PARP12: variants seen among roughly 807,000 people sequenced by gnomAD.
PARP12 encodes poly(ADP-ribose) polymerase family member 12.
Under a neutral mutation model 72.4 loss-of-function variants are expected in PARP12, and 59 were observed. The observed-to-expected ratio is 0.81, with a 90% CI of 0.66 to 1.01. The LOEUF is 1.01. Ranked by LOEUF, PARP12 falls within the 50% of genes least tolerant of loss-of-function variation. The pLI, the probability that PARP12 is intolerant of heterozygous loss-of-function variation, is 0.00. For synonymous variants in PARP12, 403 were observed against 371.4 expected, an observed-to-expected ratio of 1.09 and a Z score of -0.98; for missense variants, 851 against 914.0, an observed-to-expected ratio of 0.93 and a Z score of 0.89.
At chr7:140,025,519 A>G (rs750220944) in intron 11 of PARP12, 4 of 449,388 alleles carry the variant, frequency 8.9e-6, no homozygotes, top group Middle Eastern at 3.3e-4. Flanking sequence ...TTGTGGTTAC[A>G]GAAGATAATG....
chr7:140,057,299 C>G, intron 2 of PARP12, 146 bp from the exon 3 acceptor site: 1 of 785,680 alleles, frequency 1.3e-6, no homozygotes, highest in Non-Finnish European at 2.0e-6. Flanking sequence ...ATCCCTCACT[C>G]TAGATGACGG....
rs757114981 is a variant in PARP12, at chr7:140,024,835, C to T, written c.1831G>A (p.Asp611Asn). The T allele has an allele frequency of 1.9e-6, 3 of 1,613,908 alleles. No homozygotes were observed. Among genetic ancestry groups the T allele is most frequent in the East Asian group, 4.5e-5 (2 of 44,882 alleles). The change falls in exon 12 of 12, where the codon GAC becomes AAC. Residue 611 changes from aspartate (D) to asparagine (N), a missense_variant. Coordinates refer to ENST00000263549, the MANE Select transcript of PARP12 (RefSeq NM_022750.4). ...AAYSHHYSKSDTQTHTMFLAR... is the reference protein window; with the variant it reads ...AAYSHHYSKSNTQTHTMFLAR... ...AGGAACATCGTGTGGGTCTGCGTGT[C>T]GGATTTGCTGTAGTGGTGGGAATAT...
chr7:140,053,668 C>T (rs931743042), intron 4 of PARP12, among the ~76,000 whole-genome samples: 2 of 152,022 alleles, frequency 1.3e-5, no homozygotes, highest in African/African-American at 4.8e-5. Flanking sequence ...ACCTATCATT[C>T]CATTCCCCAG....
At chr7:140,035,895 AGG>A (rs1491292837) in intron 7 of PARP12, among the ~76,000 whole-genome samples, 1,532 of 143,936 alleles carry the variant, frequency 0.011, 192 homozygotes, top group Non-Finnish European at 0.014. Context: ...GAGGAAGAGG[AGG>A]AGGACGAGGA....
chr7:140,061,995 G>C (rs985099246), intron 1 of PARP12, among the ~76,000 whole-genome samples: 3 of 136,354 alleles, frequency 2.2e-5, no homozygotes, highest in African/African-American at 5.8e-5. Context: ...GGGGGGGGGG[G>C]GTGTTCCAGT....
chr7:140,056,525 C>T (rs538997038), intron 3 of PARP12, among the ~76,000 whole-genome samples: 19 of 152,234 alleles, frequency 1.2e-4, no homozygotes, highest in African/African-American at 4.3e-4. Context: ...AGCATGCTCT[C>T]GTGGGGGTGA....
intron 1 of PARP12, among the ~76,000 whole-genome samples, chr7:140,059,322 T>C (rs1817340640): frequency 6.6e-6 from 1 of 151,700 alleles, no homozygotes; most frequent in African/African-American, 2.4e-5. Flanking sequence ...TGGCATCTTA[T>C]CATTATAGGT....
chr7:140,033,295 T>C (rs932975508), intron 8 of PARP12: 1 of 985,470 alleles, frequency 1.0e-6, no homozygotes, highest in South Asian at 4.7e-5. Context: ...TGATAATACC[T>C]TTCTCCTCTA....
At chr7:140,046,068 G>T (rs1311761826) in intron 5 of PARP12, among the ~76,000 whole-genome samples, 1 of 152,224 alleles carries the variant, frequency 6.6e-6, no homozygotes, top group Non-Finnish European at 1.5e-5. Context: ...CTACACAAGT[G>T]TATGTATTTG....
At chr7:140,040,831 T>G (rs1816434881) in intron 6 of PARP12, among the ~76,000 whole-genome samples, 1 of 152,250 alleles carries the variant, frequency 6.6e-6, no homozygotes, top group Admixed American at 6.5e-5. Context: ...TGGTGTGATC[T>G]CTGCTCACTG....
chr7:140,025,458 A>G, intron 11 of PARP12: 1 of 390,562 alleles, frequency 2.6e-6, no homozygotes, highest in South Asian at 1.9e-5. Flanking sequence ...GAACTGATGG[A>G]CCCGGAACAT....
intron 4 of PARP12, among the ~76,000 whole-genome samples, chr7:140,053,841 A>T (rs1266325492): frequency 6.6e-6 from 1 of 152,256 alleles, no homozygotes; most frequent in East Asian, 1.9e-4. Context: ...TTGAATAATA[A>T]CATTATCACA....
rs973377187 is a variant in PARP12 at position 140,024,534 on chromosome 7, G to A, written c.*26C>T. 2 of 1,612,068 alleles carry A rather than the reference G, an allele frequency of 1.2e-6. No homozygotes were observed. Among genetic ancestry groups the A allele is most frequent in the Middle Eastern group, 1.7e-4 (1 of 6,058 alleles). ...ATAGCCATTTCAAGGCAGAGCAGGT[G>A]AAAGGCCTGGAACACTCCTGTGCGC... On this transcript the variant is annotated 3_prime_UTR_variant, in exon 12 of 12. Coordinates refer to ENST00000263549, the MANE Select transcript of PARP12 (RefSeq NM_022750.4).
At chr7:140,030,613 A>ACATG (rs1815904549) in intron 8 of PARP12, among the ~76,000 whole-genome samples, 1 of 152,214 alleles carries the variant, frequency 6.6e-6, no homozygotes, top group Admixed American at 6.5e-5. Context: ...ATACATACAT[A>ACATG]CATGCATACA....
chr7:140,025,816 T>C (rs189006656), intron 11 of PARP12, among the ~76,000 whole-genome samples: 1 of 152,388 alleles, frequency 6.6e-6, no homozygotes, highest in Non-Finnish European at 1.5e-5. Context: ...AATACATGTT[T>C]ACATGAGTAT....
chr7:140,058,048 G>C lies in PARP12; in HGVS notation c.327-14C>G, dbSNP rs1380963460. The C allele has an allele frequency of 1.2e-6, 2 of 1,614,042 alleles. No individual in the cohort carries two copies. Among genetic ancestry groups the C allele is most frequent in the Non-Finnish European group, 1.7e-6 (2 of 1,179,978 alleles). ...CTACAGTTCTTCCTGCAAAGAAGCA[G>C]AGCTGGTGTTATATGTCGAATTGAG... is the stretch of plus-strand genomic sequence containing the variant. On this transcript the variant is annotated splice_polypyrimidine_tract_variant and intron_variant, in intron 1 of 11. Coordinates refer to ENST00000263549, the MANE Select transcript of PARP12 (RefSeq NM_022750.4).
At chr7:140,051,257 G>A (rs988373820) in intron 4 of PARP12, among the ~76,000 whole-genome samples, 1 of 152,096 alleles carries the variant, frequency 6.6e-6, no homozygotes. Context: ...TCAAGTTCAG[G>A]ACACTTTTGT....
At position 140,025,608 on chromosome 7, in the gene PARP12, GGAGA is replaced by G. The variant is rs879790956; in HGVS notation, c.1780+585_1780+588del. 2.2e-5 allele frequency: 10 copies of G among 453,084 alleles called. No homozygotes were observed. The Admixed American group carries it at 2.4e-4, about 11-fold the overall frequency. The allele number at this position is 453,084 out of a possible 1,614,324, so 28.1% of individuals were successfully genotyped here. On this transcript the variant is annotated intron_variant, in intron 11 of 11. Coordinates refer to ENST00000263549, the MANE Select transcript of PARP12 (RefSeq NM_022750.4). ...CTGAAAATGGTGCAGAAAGAGAGAG[GGAGA>G]GAGAAAGAGAGAAGTGGCAGCATGT... is the stretch of plus-strand genomic sequence containing the variant.
At chr7:140,054,965 T>C (rs576631642) in intron 3 of PARP12, among the ~76,000 whole-genome samples, 1 of 152,340 alleles carries the variant, frequency 6.6e-6, no homozygotes, top group African/African-American at 2.4e-5. Context: ...ACATGGCTGC[T>C]TGCCAGATCC....
Sources: allele counts gnomAD v4.1 joint callset (sites outside exome capture counted in the v4.1 genomes callset), GRCh38; gene constraint gnomAD v4.1.1; transcripts MANE v1.5; gene names NCBI Gene and HGNC (gene_info 2026-07-23, HGNC 2026-07-21).